CPED1: variants seen among roughly 807,000 people sequenced by gnomAD.
The protein encoded by CPED1 is cadherin like and PC-esterase domain containing 1.
Under a neutral mutation model 128.2 loss-of-function variants are expected in CPED1, and 114 were observed. The ratio of observed to expected loss-of-function variants is 0.89; its 90% CI spans 0.76 to 1.04. CPED1 has a LOEUF of 1.04. CPED1 is among the 50% of genes least tolerant of loss of function. CPED1 has a pLI of 0.00. For missense variants in CPED1, 1,211 were observed against 1,207.1 expected, an observed-to-expected ratio of 1.00 and a Z score of -0.05; for synonymous variants, 462 against 426.7, an observed-to-expected ratio of 1.08 and a Z score of -1.02.
At chr7:121,162,884 T>C (rs1796442089) in intron 16 of CPED1, among the ~76,000 whole-genome samples, 1 of 152,232 alleles carries the variant, frequency 6.6e-6, no homozygotes, top group Admixed American at 6.5e-5. Flanking sequence ...TTGGATTTTG[T>C]ACCCAACTAC....
intron 16 of CPED1, among the ~76,000 whole-genome samples, chr7:121,194,198 C>T: frequency 6.6e-6 from 1 of 151,330 alleles, no homozygotes; most frequent in East Asian, 1.9e-4. Flanking sequence ...CAGGTGCCTG[C>T]CACCATGCCC....
intron 16 of CPED1, among the ~76,000 whole-genome samples, chr7:121,181,786 C>A (rs1056086204): frequency 6.6e-6 from 1 of 152,074 alleles, no homozygotes. Flanking sequence ...TAAAACAACA[C>A]AGAGTGGTTG....
At position 121,261,557 on chromosome 7, in the gene CPED1, T is replaced by C. The variant is rs1792016769; in HGVS notation, c.2311-4670T>C. The C allele has an allele frequency of 5.8e-6, 9 of 1,559,266 alleles. No homozygotes were observed. The South Asian group carries it at 1.1e-4, about 18-fold the overall frequency. ...AGACTGAGTTCTAACCAGTGGAATA[T>C]GATCAGGAATGATGTGACCAGCTTC... On this transcript the variant is annotated intron_variant, in intron 18 of 22. Transcript: ENST00000310396.
chr7:121,059,843 T>C (rs990559499), intron 4 of CPED1, among the ~76,000 whole-genome samples: 2 of 152,218 alleles, frequency 1.3e-5, no homozygotes, highest in Non-Finnish European at 1.5e-5. Flanking sequence ...TCTCGGCGCC[T>C]CCTCTGCCTG....
chr7:121,240,239 C>T (rs1279925469), intron 17 of CPED1, among the ~76,000 whole-genome samples: 3 of 152,184 alleles, frequency 2.0e-5, no homozygotes, highest in Admixed American at 2.0e-4. Context: ...CAATTAGCCA[C>T]TTGTTTCTTC....
At chr7:121,177,529 C>T (rs1218317181) in intron 16 of CPED1, among the ~76,000 whole-genome samples, 2 of 151,874 alleles carry the variant, frequency 1.3e-5, no homozygotes, top group Non-Finnish European at 2.9e-5. Context: ...AGGTTTAAGC[C>T]AAGCCAAAGA....
chr7:121,000,863 C>G lies in CPED1; in HGVS notation c.249+10993C>G, dbSNP rs145046323. On this transcript the variant is annotated intron_variant, in intron 2 of 22. Transcript: ENST00000310396. The stretch of plus-strand genomic sequence containing the variant: ...GTAAATTTTATCTACATTTTTAAAT[C>G]CTCAGTTCTCTTGTTGGAAAACGTA... Among the ~76,000 whole-genome samples the G allele has an allele frequency of 5.3e-3, 804 of 152,192 alleles. 6 individuals are homozygous for G. The highest frequency in any genetic ancestry group is 0.024 in the Middle Eastern group (7 of 294).
At position 121,031,457 on chromosome 7, in the gene CPED1, T is replaced by A. The variant is rs144385645; in HGVS notation, c.434-15430T>A. On this transcript the variant is annotated intron_variant, in intron 3 of 22. Coordinates refer to ENST00000310396, the MANE Select transcript of CPED1 (RefSeq NM_024913.5). ...TGCCTTCCACCACACCCAGCTAATT[T>A]TTGTATTTTTAGTGGAGATGGGGTT... Among the ~76,000 whole-genome samples, 1,058 of 152,250 alleles carry A rather than the reference T, an allele frequency of 6.9e-3. 15 individuals carry two copies. The highest frequency in any genetic ancestry group is 0.024 in the African/African-American group (1,015 of 41,532).
At chr7:121,130,358 A>G in intron 12 of CPED1, 64 bp downstream of exon 12, 5 of 1,404,402 alleles carry the variant, frequency 3.6e-6, no homozygotes, top group Non-Finnish European at 4.8e-6. Context: ...ATTGATTTCA[A>G]AAGGCTTTGC....
intron 16 of CPED1, among the ~76,000 whole-genome samples, chr7:121,161,918 T>C (rs749324151): frequency 6.6e-6 from 1 of 152,214 alleles, no homozygotes; most frequent in African/African-American, 2.4e-5. Context: ...TTATTTACCT[T>C]ACAAGTTGAG....
chr7:121,035,064 G>A (rs1172467853), intron 3 of CPED1, among the ~76,000 whole-genome samples: 4 of 152,156 alleles, frequency 2.6e-5, no homozygotes, highest in Admixed American at 2.6e-4. Context: ...CATACTAGAG[G>A]CATATAGGTT....
intron 3 of CPED1, among the ~76,000 whole-genome samples, chr7:121,043,016 G>A (rs959154246): frequency 1.3e-5 from 2 of 152,130 alleles, no homozygotes; most frequent in Non-Finnish European, 2.9e-5. Context: ...TTACTCTAAC[G>A]TCAACCTTCT....
intron 22 of CPED1, among the ~76,000 whole-genome samples, chr7:121,292,307 G>T (rs930798558): frequency 2.0e-5 from 3 of 150,932 alleles, no homozygotes; most frequent in African/African-American, 7.3e-5. Flanking sequence ...TGATTGATTC[G>T]GTTATTGATA....
chr7:121,136,734 C>G (rs748672156), intron 14 of CPED1, among the ~76,000 whole-genome samples: 1 of 152,010 alleles, frequency 6.6e-6, no homozygotes, highest in Non-Finnish European at 1.5e-5. Flanking sequence ...TTCAGATTCT[C>G]TGTTCAAAGC....
intron 5 of CPED1, among the ~76,000 whole-genome samples, chr7:121,085,423 A>AT (rs977443251): frequency 7.9e-5 from 12 of 152,114 alleles, no homozygotes; most frequent in Non-Finnish European, 1.3e-4. Flanking sequence ...CTTCTTTATT[A>AT]TTTTTTTCTA....
At chr7:121,040,313 T>A (rs889686944) in intron 3 of CPED1, among the ~76,000 whole-genome samples, 1 of 152,158 alleles carries the variant, frequency 6.6e-6, no homozygotes, top group African/African-American at 2.4e-5. Context: ...ACTAAGTGTC[T>A]ACTATAATCA....
rs1164270128 is a variant in CPED1, at chr7:121,218,007, CAG to C, written c.2056-18704_2056-18703del. ...TTGCCAATTTTTTTTTTTTTTGAGA[CAG>C]AGTCTCACTCTGTCACCCAGGCTGG... On this transcript the variant is annotated intron_variant, in intron 16 of 22. Coordinates refer to ENST00000310396, the MANE Select transcript of CPED1 (RefSeq NM_024913.5). Among the ~76,000 whole-genome samples, 3 of 146,262 alleles carry C rather than the reference CAG, an allele frequency of 2.1e-5. No homozygotes were observed. In the Admixed American group the frequency reaches 2.1e-4, roughly 10 times the overall value.
intron 16 of CPED1, among the ~76,000 whole-genome samples, chr7:121,184,852 G>T (rs547190729): frequency 2.6e-5 from 4 of 152,220 alleles, no homozygotes; most frequent in African/African-American, 9.6e-5. Context: ...ATCAAACCTA[G>T]AGAAGGGAAC....
chr7:121,139,266 A>G (rs1443548881), intron 14 of CPED1, among the ~76,000 whole-genome samples: 1 of 151,996 alleles, frequency 6.6e-6, no homozygotes, highest in Non-Finnish European at 1.5e-5. Context: ...TTTATTTTTT[A>G]TTAAGATTTT....
Sources: gnomAD v4.1 joint callset for allele counts (sites outside exome capture counted in the v4.1 genomes callset) on GRCh38, gnomAD v4.1.1 for gene constraint, MANE v1.5 for transcripts, NCBI Gene and HGNC (gene_info 2026-07-23, HGNC 2026-07-21) for gene names.